PAPPA: variants seen among roughly 807,000 people sequenced by gnomAD.
The protein encoded by PAPPA is pappalysin-1.
Under a neutral mutation model 164.0 loss-of-function variants are expected in PAPPA, and 60 were observed. The ratio of observed to expected loss-of-function variants is 0.37; its 90% CI spans 0.30 to 0.45. The LOEUF (loss-of-function observed/expected upper bound fraction) is 0.45, where lower values mean the gene tolerates loss of function less well. Ranked by LOEUF, PAPPA falls within the 20% of genes least tolerant of loss-of-function variation. The pLI is 1.00. For synonymous variants in PAPPA, 875 were observed against 814.1 expected, an observed-to-expected ratio of 1.07 and a Z score of -1.27; for missense variants, 1,782 against 2,087.3, an observed-to-expected ratio of 0.85 and a Z score of 2.85.
intron 21 of PAPPA, among the ~76,000 whole-genome samples, chr9:116,384,420 A>T (rs946348771): frequency 6.6e-6 from 1 of 151,938 alleles, no homozygotes; most frequent in African/African-American, 2.4e-5. Flanking sequence ...ATACCACTGT[A>T]CTCCAGCCTA....
chr9:116,186,349 A>C (rs1449389320), intron 1 of PAPPA, among the ~76,000 whole-genome samples: 2 of 151,904 alleles, frequency 1.3e-5, no homozygotes, highest in African/African-American at 4.8e-5. Flanking sequence ...GACACAGGGG[A>C]ACTGTCAATG....
chr9:116,380,834 A>T (rs1846721375), intron 20 of PAPPA, among the ~76,000 whole-genome samples: 2 of 152,210 alleles, frequency 1.3e-5, no homozygotes. Context: ...TTCTGTGAGT[A>T]AGAATTTGGA....
intron 1 of PAPPA, among the ~76,000 whole-genome samples, chr9:116,173,525 C>G (rs570702909): frequency 6.6e-6 from 1 of 152,274 alleles, no homozygotes; most frequent in South Asian, 2.1e-4. Flanking sequence ...ATGGAAGAAA[C>G]TTTAGATCTT....
At chr9:116,240,658 A>C (rs1429245275) in intron 7 of PAPPA, among the ~76,000 whole-genome samples, 1 of 152,190 alleles carries the variant, frequency 6.6e-6, no homozygotes, top group Non-Finnish European at 1.5e-5. Flanking sequence ...TCATCCCAAC[A>C]ACCCCACAAT....
At position 116,220,132 on chromosome 9, in the gene PAPPA, G is replaced by T; in HGVS notation, c.2111+3G>T. ...ATAGATGGCCATTTCTTTGAAAGGT[G>T]AGTGTGCCCTGTGTAGTGTTGATCC... On this transcript the variant is annotated splice_donor_region_variant and intron_variant, in intron 5 of 21. Transcript: ENST00000328252. The T allele has an allele frequency of 6.2e-7, 1 of 1,610,472 alleles. No individual in the cohort carries two copies. Among genetic ancestry groups the T allele is most frequent in the South Asian group, 1.1e-5 (1 of 91,002 alleles).
At chr9:116,182,859 G>T (rs984220292) in intron 1 of PAPPA, among the ~76,000 whole-genome samples, 1 of 152,170 alleles carries the variant, frequency 6.6e-6, no homozygotes, top group African/African-American at 2.4e-5. Flanking sequence ...ACCATGGCAG[G>T]CTCCTTTCCT....
chr9:116,162,322 T>C (rs2118976891), intron 1 of PAPPA, among the ~76,000 whole-genome samples: 1 of 152,244 alleles, frequency 6.6e-6, no homozygotes, highest in Admixed American at 6.5e-5. Flanking sequence ...ATTGTGACGA[T>C]ACACACACAC....
At chr9:116,254,456 A>C (rs1195702204) in intron 7 of PAPPA, among the ~76,000 whole-genome samples, 1 of 152,174 alleles carries the variant, frequency 6.6e-6, no homozygotes, top group African/African-American at 2.4e-5. Context: ...TATTTATACA[A>C]AATAATGTGT....
At chr9:116,381,959 T>C (rs1351587733) in intron 20 of PAPPA, among the ~76,000 whole-genome samples, 3 of 152,232 alleles carry the variant, frequency 2.0e-5, no homozygotes, top group Admixed American at 6.5e-5. Context: ...TACATTCAGC[T>C]TCCTAACATA....
At position 116,396,783 on chromosome 9, in the gene PAPPA, A is replaced by G; in HGVS notation, c.*167A>G. The G allele has an allele frequency of 1.7e-6, 1 of 593,290 alleles. No individual in the cohort carries two copies. Among genetic ancestry groups the G allele is most frequent in the Non-Finnish European group, 3.0e-6 (1 of 331,560 alleles). The allele number at this position is 593,290 out of a possible 1,614,324, so 36.8% of individuals were successfully genotyped here. ...CCAGGAAGGACTCACATTGGGGCGA[A>G]TGAACCAAGTTTCGCCATGCTGGAT... is the stretch of plus-strand genomic sequence containing the variant. On this transcript the variant is annotated 3_prime_UTR_variant, in exon 22 of 22. Coordinates refer to ENST00000328252, the MANE Select transcript of PAPPA (RefSeq NM_002581.5).
At chr9:116,337,207 G>A (rs1403436138) in intron 13 of PAPPA, among the ~76,000 whole-genome samples, 1 of 152,192 alleles carries the variant, frequency 6.6e-6, no homozygotes, top group Non-Finnish European at 1.5e-5. Flanking sequence ...GGATGGAGCT[G>A]CAGCTCTGAG....
intron 2 of PAPPA, among the ~76,000 whole-genome samples, chr9:116,192,574 A>G (rs1324772666): frequency 6.6e-6 from 1 of 152,168 alleles, no homozygotes; most frequent in Non-Finnish European, 1.5e-5. Context: ...CTAGTGGGTA[A>G]GACAGAGAAG....
At chr9:116,191,144 A>G (rs560699958) in intron 2 of PAPPA, among the ~76,000 whole-genome samples, 6 of 152,362 alleles carry the variant, frequency 3.9e-5, no homozygotes, top group Admixed American at 2.0e-4. Context: ...GGAAAGTCAC[A>G]GAATTATTCT....
chr9:116,320,825 T>A (rs1050597845), intron 10 of PAPPA, among the ~76,000 whole-genome samples: 2 of 152,102 alleles, frequency 1.3e-5, no homozygotes, highest in Non-Finnish European at 2.9e-5. Flanking sequence ...GTTTTCTGTG[T>A]TCATTGGTCA....
At chr9:116,223,771 T>C (rs1289142803) in intron 5 of PAPPA, among the ~76,000 whole-genome samples, 1 of 152,192 alleles carries the variant, frequency 6.6e-6, no homozygotes, top group Admixed American at 6.5e-5. Flanking sequence ...GTAGAAAGTA[T>C]ACAAGCTTTA....
chr9:116,181,628 G>T (rs1480290342), intron 1 of PAPPA, among the ~76,000 whole-genome samples: 1 of 152,222 alleles, frequency 6.6e-6, no homozygotes, highest in Non-Finnish European at 1.5e-5. Context: ...AAGGAAAATG[G>T]GAGGCAGCCA....
chr9:116,292,674 T>C (rs913854099), intron 9 of PAPPA, among the ~76,000 whole-genome samples: 2 of 152,186 alleles, frequency 1.3e-5, no homozygotes, highest in African/African-American at 2.4e-5. Context: ...GGCAGATATT[T>C]AGTAGAGATA....
intron 10 of PAPPA, among the ~76,000 whole-genome samples, chr9:116,314,060 CTTTTTTTT>C (rs57871796): frequency 2.6e-4 from 18 of 69,724 alleles, no homozygotes; most frequent in Admixed American, 6.1e-4. Context: ...TGCATCGAAT[CTTTTTTTT>C]TTTTTTTTTT....
At chr9:116,306,321 T>G (rs936690675) in intron 10 of PAPPA, among the ~76,000 whole-genome samples, 2 of 152,230 alleles carry the variant, frequency 1.3e-5, no homozygotes, top group African/African-American at 4.8e-5. Context: ...CAACATGCAT[T>G]GTGCTATATG....
Sources: gnomAD v4.1 joint callset for allele counts (sites outside exome capture counted in the v4.1 genomes callset) on GRCh38, gnomAD v4.1.1 for gene constraint, MANE v1.5 for transcripts, NCBI Gene and HGNC (gene_info 2026-07-23, HGNC 2026-07-21) for gene names.